RWDD4: variants seen among roughly 807,000 people sequenced by gnomAD.
RWDD4 encodes RWD domain-containing protein 4.
RWDD4 carries 16 observed loss-of-function variants against 30.0 expected under a neutral mutation model. That is an observed-to-expected ratio of 0.53 (90% CI 0.36 to 0.81). RWDD4 has a LOEUF of 0.81. Ranked by LOEUF, RWDD4 falls within the 30% of genes least tolerant of loss-of-function variation. The pLI, the probability that RWDD4 is intolerant of heterozygous loss-of-function variation, is 0.00. For synonymous variants in RWDD4, 45 were observed against 72.1 expected, an observed-to-expected ratio of 0.62 and a Z score of 1.90; for missense variants, 170 against 223.9, an observed-to-expected ratio of 0.76 and a Z score of 1.54.
At chr4:183,657,098 T>C (rs537115686) in intron 1 of RWDD4, among the ~76,000 whole-genome samples, 1 of 152,114 alleles carries the variant, frequency 6.6e-6, no homozygotes, top group African/African-American at 2.4e-5. Flanking sequence ...CATTAAGGAG[T>C]AGACCCTAAG....
rs1734317423 is a variant in RWDD4 at position 183,659,166 on chromosome 4, G to A, written c.-214C>T. 5.0e-6 allele frequency: 2 copies of A among 399,440 alleles called. No homozygotes were observed. Among genetic ancestry groups the A allele is most frequent in the Non-Finnish European group, 8.8e-6 (2 of 228,544 alleles). 24.7% of individuals were successfully genotyped at this position (399,440 alleles called of 1,614,324 possible). A position where few individuals can be genotyped will look rare whatever the true frequency, so the allele number is the denominator to read the frequency against. On this transcript the variant is annotated 5_prime_UTR_variant, in exon 1 of 8. Transcript: ENST00000326397. ...CTGTGGGCTACGAGCCGGAGCCGCGGCTGGTGGGGCCTGGGAAGTGCAGCG... is the reference window on the plus strand; with the variant it reads ...CTGTGGGCTACGAGCCGGAGCCGCGACTGGTGGGGCCTGGGAAGTGCAGCG...
chr4:183,652,667 G>A (rs543480733), intron 2 of RWDD4, among the ~76,000 whole-genome samples: 2 of 152,060 alleles, frequency 1.3e-5, no homozygotes, highest in African/African-American at 4.8e-5. Context: ...AAAATTAGCT[G>A]GGCATGGTGG....
chr4:183,646,225 C>T (rs1733963231), intron 7 of RWDD4, 126 bp downstream of exon 7: 1 of 663,446 alleles, frequency 1.5e-6, no homozygotes, highest in South Asian at 1.9e-5. Flanking sequence ...TTAAGATGTG[C>T]TTACATAGTC....
intron 4 of RWDD4, among the ~76,000 whole-genome samples, chr4:183,650,555 A>G (rs1579128111): frequency 1.3e-5 from 2 of 152,368 alleles, no homozygotes; most frequent in East Asian, 3.9e-4. Flanking sequence ...TCTATTCAAT[A>G]AAGTTTCCAC....
intron 7 of RWDD4, among the ~76,000 whole-genome samples, chr4:183,645,135 A>C (rs1299475657): frequency 2.6e-5 from 4 of 152,054 alleles, no homozygotes; most frequent in Admixed American, 2.0e-4. Context: ...CCAAAACAAC[A>C]ACCAAAAAGG....
At chr4:183,657,197 A>G (rs1451237608) in intron 1 of RWDD4, among the ~76,000 whole-genome samples, 1 of 152,238 alleles carries the variant, frequency 6.6e-6, no homozygotes, top group African/African-American at 2.4e-5. Flanking sequence ...AACACCGACT[A>G]TATAGATTTC....
rs1226827933 is a variant in RWDD4 at position 183,649,515 on chromosome 4, A to T, written c.417T>A (p.Ser139Arg). Residue 139 changes from serine (S) to arginine (R), a missense_variant, in exon 5 of 8, where the codon AGT (serine) becomes AGA (arginine). Physicochemically the swap from Ser to Arg is moderately radical, Grantham distance 110 (BLOSUM62 -1). Coordinates refer to ENST00000326397, the MANE Select transcript of RWDD4 (RefSeq NM_152682.4). ...SIETPNTAPS[S>R]KKKDKKEQLS... ...GTTGTTCTTTTTTGTCTTTTTTCTT[A>T]CTTGATGGGGCTGTATTAGGAGTTT... 6.2e-7 allele frequency: 1 copy of T among 1,612,844 alleles called. No individual in the cohort carries two copies. The highest frequency in any genetic ancestry group is 8.5e-7 in the Non-Finnish European group (1 of 1,179,140).
intron 1 of RWDD4, among the ~76,000 whole-genome samples, chr4:183,658,372 A>G (rs1487729894): frequency 6.6e-6 from 1 of 152,232 alleles, no homozygotes; most frequent in Admixed American, 6.5e-5. Context: ...TTCAATGTCA[A>G]AATGGCATCT....
chr4:183,646,729 T>C (rs565565486), intron 5 of RWDD4, among the ~76,000 whole-genome samples, 192 bp from the exon 6 acceptor site: 1 of 152,328 alleles, frequency 6.6e-6, no homozygotes, highest in South Asian at 2.1e-4. Context: ...ATTTTAGGTA[T>C]ACTCCTTTTT....
chr4:183,643,782 G>A (rs1258336037), intron 7 of RWDD4, among the ~76,000 whole-genome samples: 1 of 152,198 alleles, frequency 6.6e-6, no homozygotes, highest in Non-Finnish European at 1.5e-5. Flanking sequence ...GCCAGGTGTG[G>A]TGGCAAGCGC....
At chr4:183,648,173 G>A (rs1475692759) in intron 5 of RWDD4, among the ~76,000 whole-genome samples, 12 of 139,568 alleles carry the variant, frequency 8.6e-5, no homozygotes, top group Non-Finnish European at 1.8e-4. Context: ...GAACCCAGGA[G>A]GCGGAGGTTG....
intron 1 of RWDD4, among the ~76,000 whole-genome samples, chr4:183,658,523 T>C (rs1241091962): frequency 6.6e-6 from 1 of 152,196 alleles, no homozygotes; most frequent in East Asian, 1.9e-4. Flanking sequence ...CCATGAGAAA[T>C]GTAACTAACT....
At chr4:183,651,360 A>C (rs1446947335) in intron 2 of RWDD4, 33 bp from the exon 3 acceptor site, 1 of 1,511,798 alleles carries the variant, frequency 6.6e-7, no homozygotes, top group Non-Finnish European at 9.1e-7. Flanking sequence ...GGCTTGTAAA[A>C]GGTGATAAAA....
intron 6 of RWDD4, 39 bp downstream of exon 6, chr4:183,646,449 T>G (rs1156757614): frequency 6.2e-7 from 1 of 1,603,296 alleles, no homozygotes; most frequent in African/African-American, 1.3e-5. Context: ...TGGTAATAAT[T>G]GTAACAAGTT....
intron 5 of RWDD4, among the ~76,000 whole-genome samples, chr4:183,647,512 A>C (rs1415968535): frequency 6.6e-6 from 1 of 152,186 alleles, no homozygotes; most frequent in Non-Finnish European, 1.5e-5. Flanking sequence ...TGTCCCATTA[A>C]AATTTTATTT....
In RWDD4 at chr4:183,643,115, T is replaced by TA. The variant is rs57474200; in HGVS notation, c.535-1648dup. ...ATAAATAAATAAATAAAATAAAAAT[T>TA]AAAAAAAAAAAAAAAAGAAAACGGG... On this transcript the variant is annotated intron_variant, in intron 7 of 7. Coordinates refer to ENST00000326397, the MANE Select transcript of RWDD4 (RefSeq NM_152682.4). Among the ~76,000 whole-genome samples the TA allele has an allele frequency of 7.4e-3, 812 of 109,384 alleles. 4 individuals are homozygous for TA. The highest frequency in any genetic ancestry group is 0.011 in the Middle Eastern group (2 of 174). 71.8% of individuals were successfully genotyped at this position (109,384 alleles called of 152,430 possible).
chr4:183,646,450 G>T (rs1204380253), intron 6 of RWDD4, 38 bp downstream of exon 6: 4 of 1,603,030 alleles, frequency 2.5e-6, no homozygotes, highest in African/African-American at 1.3e-5. Flanking sequence ...GGTAATAATT[G>T]TAACAAGTTT....
rs573663373 is a variant in RWDD4 at position 183,639,985 on chromosome 4, A to G, written c.*1451T>C. The G allele has an allele frequency of 1.3e-5, 2 of 152,256 alleles. No individual in the cohort carries two copies. Among genetic ancestry groups the G allele is most frequent in the African/African-American group, 4.8e-5 (2 of 41,548 alleles). The allele number at this position is 152,256 out of a possible 1,614,324, so 9.4% of individuals were successfully genotyped here. The stretch of plus-strand genomic sequence containing the variant: ...TTCTCCAAAAACAAAAAACAAACCA[A>G]TACAACCACAAATACTACCCACACA... On this transcript the variant is annotated 3_prime_UTR_variant, in exon 8 of 8. Transcript: ENST00000326397.
intron 2 of RWDD4, among the ~76,000 whole-genome samples, chr4:183,652,474 C>T (rs182609570): frequency 1.4e-3 from 207 of 148,814 alleles, no homozygotes; most frequent in African/African-American, 4.8e-3. Context: ...CCAGCCTGGG[C>T]GACAGAGCAA....
Sources: gnomAD v4.1 joint callset for allele counts (sites outside exome capture counted in the v4.1 genomes callset) on GRCh38, gnomAD v4.1.1 for gene constraint, MANE v1.5 for transcripts, NCBI Gene and HGNC (gene_info 2026-07-23, HGNC 2026-07-21) for gene names.